Variants in ZNF84 observed in about 807,000 individuals in gnomAD.
ZNF84 encodes zinc finger protein HPF2.
A neutral mutation model predicts 14.8 loss-of-function variants in ZNF84; 12 were observed. The observed-to-expected ratio is 0.81, with a 90% CI of 0.52 to 1.31. The LOEUF is 1.31. Among genes scored for constraint, ZNF84 ranks in the 50% most tolerant of loss-of-function variants. The probability of loss-of-function intolerance (pLI) is 0.00; values close to 1 mark genes in which losing one functional copy is unlikely to be tolerated. For synonymous variants in ZNF84, 347 were observed against 291.1 expected (o/e 1.19, Z -1.96); for missense variants, 859 against 878.6 (o/e 0.98, Z 0.28).
chr12:133,040,267 A>G (rs1953862908), intron 1 of ZNF84, among the ~76,000 whole-genome samples: 3 of 152,262 alleles, frequency 2.0e-5, no homozygotes, highest in East Asian at 1.9e-4. Flanking sequence ...CGTAAATACC[A>G]AAAGAATGCT....
At position 133,056,992 on chromosome 12, in the gene ZNF84, G is replaced by A. The variant is rs1305433189; in HGVS notation, c.277G>A (p.Asp93Asn). The A allele has an allele frequency of 1.9e-6, 3 of 1,599,680 alleles. No individual in the cohort carries two copies. The highest frequency in any genetic ancestry group is 2.3e-5 in the South Asian group (2 of 87,746). The change falls in exon 5 of 5, where the codon GAT (aspartate) becomes AAT (asparagine). Residue 93 changes from aspartate to asparagine, a missense_variant. Transcript: ENST00000539354. ...KVDGNMMWHQDNQDKLKIIKR... is the reference protein window; with the variant it reads ...KVDGNMMWHQNNQDKLKIIKR... ...AGATGGTAACATGATGTGGCACCAGGATAACCAAGACAAGCTTAAAATTAT... is the reference window on the plus strand; with the variant it reads ...AGATGGTAACATGATGTGGCACCAGAATAACCAAGACAAGCTTAAAATTAT...
Position 133,057,203 on chromosome 12 carries a change from A to T in ZNF84, c.488A>T (p.Asn163Ile). 1 of 1,613,070 alleles carries T rather than the reference A, an allele frequency of 6.2e-7. No homozygotes were observed. Among genetic ancestry groups the T allele is most frequent in the South Asian group, 1.1e-5 (1 of 90,726 alleles). Residue 163 changes from asparagine (N) to isoleucine (I), a missense_variant, in exon 5 of 5, where the codon AAT becomes ATT. Physicochemically the swap from Asn to Ile is moderately radical, Grantham distance 149. Transcript: ENST00000539354. ...AESDDFNVFD[N>I]FFLHSKPEDT... ...TCAGATGACTTTAATGTGTTTGATA[A>T]TTTTTTTCTCCATTCCAAGCCTGAG... is the stretch of plus-strand genomic sequence containing the variant.
chr12:133,048,883 C>T (rs1593703900), intron 4 of ZNF84, 35 bp downstream of exon 4: 2 of 1,551,990 alleles, frequency 1.3e-6, no homozygotes, highest in Non-Finnish European at 1.8e-6. Flanking sequence ...TGGGAGAGAG[C>T]AGAAGCCCCA....
intron 2 of ZNF84, among the ~76,000 whole-genome samples, chr12:133,046,772 C>A (rs1169489319): frequency 6.7e-6 from 1 of 149,938 alleles, no homozygotes; most frequent in Non-Finnish European, 1.5e-5. Flanking sequence ...AACAGTCTTC[C>A]CATCTCAGCC....
chr12:133,048,826 A>C lies in ZNF84; in HGVS notation c.216A>C (p.Glu72Asp). 6.2e-7 allele frequency: 1 copy of C among 1,613,616 alleles called. No individual in the cohort carries two copies. The highest frequency in any genetic ancestry group is 8.5e-7 in the Non-Finnish European group (1 of 1,179,786). ...QGEEPWVGDG[E>D]IPSSDSPEVW... ...AAGAGCCGTGGGTAGGAGATGGAGAAATTCCAAGTTCAGATTCTCCAGGTG... is the reference window on the plus strand; with the variant it reads ...AAGAGCCGTGGGTAGGAGATGGAGACATTCCAAGTTCAGATTCTCCAGGTG... The change falls in exon 4 of 5, where the codon GAA (glutamate) becomes GAC (aspartate). Residue 72 changes from glutamate to aspartate, a missense_variant. By Grantham distance (45) the Glu-to-Asp change is conservative. Coordinates refer to ENST00000539354, the MANE Select transcript of ZNF84 (RefSeq NM_001289971.2).
chr12:133,048,128 C>G, intron 3 of ZNF84, 47 bp downstream of exon 3: 1 of 1,531,194 alleles, frequency 6.5e-7, no homozygotes, highest in Non-Finnish European at 8.8e-7. Flanking sequence ...CAATGCATTG[C>G]CTTTTATTTT....
intron 1 of ZNF84, chr12:133,038,093 A>G (rs1953819923): frequency 6.6e-6 from 1 of 152,008 alleles, no homozygotes. Flanking sequence ...TTATACATAT[A>G]TTCATTCACC....
chr12:133,060,367 T>C lies in ZNF84; in HGVS notation c.*1435T>C, dbSNP rs1461946599. 1.3e-5 allele frequency: 2 copies of C among 152,230 alleles called. No individual in the cohort carries two copies. The highest frequency in any genetic ancestry group is 4.8e-5 in the African/African-American group (2 of 41,464). 9.4% of individuals were successfully genotyped at this position (152,230 alleles called of 1,614,324 possible). A position where few individuals can be genotyped will look rare whatever the true frequency, so the allele number is the denominator to read the frequency against. ...TGCCTATTTTATCTTCTAGCAAATT[T>C]CTGTGGTCCCTGGAAAAGTACAGAT... On this transcript the variant is annotated 3_prime_UTR_variant, in exon 5 of 5. Coordinates refer to ENST00000539354, the MANE Select transcript of ZNF84 (RefSeq NM_001289971.2).
chr12:133,056,867 C>G (rs981002561), intron 4 of ZNF84, 87 bp from the exon 5 acceptor site: 1 of 1,177,386 alleles, frequency 8.5e-7, no homozygotes, highest in Admixed American at 2.7e-5. Flanking sequence ...AGCAGCCAAC[C>G]CCTCAACATA....
intron 4 of ZNF84, 92 bp downstream of exon 4, chr12:133,048,940 G>C (rs1954029537): frequency 2.0e-6 from 2 of 1,013,140 alleles, no homozygotes. Flanking sequence ...TGGGTGGGCT[G>C]GTCAGTGATG....
Position 133,062,510 on chromosome 12 carries a change from T to C in ZNF84, c.*3578T>C, listed in dbSNP as rs1219294361. The C allele has an allele frequency of 6.5e-6, 1 of 154,618 alleles. No homozygotes were observed. Among genetic ancestry groups the C allele is most frequent in the Non-Finnish European group, 1.4e-5 (1 of 69,538 alleles). 9.6% of individuals were successfully genotyped at this position (154,618 alleles called of 1,614,324 possible). A position where few individuals can be genotyped will look rare whatever the true frequency, so the allele number is the denominator to read the frequency against. On this transcript the variant is annotated 3_prime_UTR_variant, in exon 5 of 5. Coordinates refer to ENST00000539354, the MANE Select transcript of ZNF84 (RefSeq NM_001289971.2). ...GTCAATTTCAGAGGTCTTATTAGTCTATACAGGTACCAATGAGCTTTCAGA... is the reference window on the plus strand; with the variant it reads ...GTCAATTTCAGAGGTCTTATTAGTCCATACAGGTACCAATGAGCTTTCAGA...
rs1048268051 is a variant in ZNF84, at chr12:133,062,327, G to A, written c.*3395G>A. ...CATATATTTGTGATACTTTGGTTTC[G>A]GGAACATCACTTTTAGAATGTTGAC... On this transcript the variant is annotated 3_prime_UTR_variant, in exon 5 of 5. Transcript: ENST00000539354. The A allele has an allele frequency of 3.9e-5, 6 of 152,084 alleles. No homozygotes were observed. The South Asian group carries it at 1.0e-3, about 26-fold the overall frequency. 9.4% of individuals were successfully genotyped at this position (152,084 alleles called of 1,614,324 possible). A position where few individuals can be genotyped will look rare whatever the true frequency, so the allele number is the denominator to read the frequency against.
chr12:133,042,905 C>G lies in ZNF84; in HGVS notation c.15+1423C>G, dbSNP rs1036632388. Among the ~76,000 whole-genome samples the G allele has an allele frequency of 2.6e-5, 4 of 152,250 alleles. No individual in the cohort carries two copies. In the East Asian group the frequency reaches 7.7e-4, roughly 29 times the overall value. ...TAGAATATTCTTAGCCCAGATGAGT[C>G]CCTTCATGTGCCCTCTCCCAGTCGT... On this transcript the variant is annotated intron_variant, in intron 2 of 4. Coordinates refer to ENST00000539354, the MANE Select transcript of ZNF84 (RefSeq NM_001289971.2).
Position 133,057,612 on chromosome 12 carries a change from C to A in ZNF84, c.897C>A (p.Ala299=). The A allele has an allele frequency of 6.2e-7, 1 of 1,614,170 alleles. No homozygotes were observed. The highest frequency in any genetic ancestry group is 8.5e-7 in the Non-Finnish European group (1 of 1,180,046). ...ATGAGTGTGGTGAATGTGGGAAAGC[C>A]TTCTCCCGGAAGTCACATCTCATAT... ...KPYECGECGK[A]FSRKSHLISH... The change falls in exon 5 of 5, where the codon GCC becomes GCA. Residue 299 remains alanine (A), a synonymous_variant. Transcript: ENST00000539354.
chr12:133,044,560 G>A lies in ZNF84; in HGVS notation c.15+3078G>A, dbSNP rs778446124. On this transcript the variant is annotated intron_variant, in intron 2 of 4. Transcript: ENST00000539354. ...AATTGTGGGATCAGTTTCTTTAGCA[G>A]TTACAGGATTAATTCAGATTTTGTT... Among the ~76,000 whole-genome samples, 262 of 152,234 alleles carry A rather than the reference G, an allele frequency of 1.7e-3. 1 individual carries two copies. The highest frequency in any genetic ancestry group is 2.3e-3 in the Non-Finnish European group (155 of 68,012).
intron 4 of ZNF84, 52 bp downstream of exon 4, chr12:133,048,900 C>T: frequency 1.3e-6 from 2 of 1,483,672 alleles, no homozygotes; most frequent in East Asian, 4.7e-5. Flanking sequence ...CCCATGTCAT[C>T]TGGTCAGTGA....
chr12:133,046,620 T>C (rs1420414510), intron 2 of ZNF84, among the ~76,000 whole-genome samples: 2 of 151,248 alleles, frequency 1.3e-5, no homozygotes, highest in African/African-American at 4.9e-5. Context: ...ACAATGCGAC[T>C]TTTGAGAGTA....
Position 133,057,731 on chromosome 12 carries a change from G to T in ZNF84, c.1016G>T (p.Arg339Ile). The change falls in exon 5 of 5, where the codon AGA becomes ATA. Residue 339 changes from arginine (R) to isoleucine (I), a missense_variant. Arg to Ile is a moderately conservative substitution (Grantham distance 97). Transcript: ENST00000539354. ...AAGTCCAATCTCATTAACCATCAGA[G>T]AATTCATACCGGTGAGAAGCCTTTT... is the stretch of plus-strand genomic sequence containing the variant. The part of the protein sequence containing the change: ...SEKSNLINHQ[R>I]IHTGEKPFEC... The T allele has an allele frequency of 6.2e-7, 1 of 1,614,072 alleles. No homozygotes were observed. The highest frequency in any genetic ancestry group is 8.5e-7 in the Non-Finnish European group (1 of 1,180,010).
At chr12:133,042,460 C>A (rs1371107955) in intron 2 of ZNF84, among the ~76,000 whole-genome samples, 3 of 152,090 alleles carry the variant, frequency 2.0e-5, no homozygotes, top group African/African-American at 7.2e-5. Context: ...CATAATTGTT[C>A]TATTTTATTA....
Sources: allele counts gnomAD v4.1 joint callset (sites outside exome capture counted in the v4.1 genomes callset), GRCh38; gene constraint gnomAD v4.1.1; transcripts MANE v1.5; gene names NCBI Gene and HGNC (gene_info 2026-07-23, HGNC 2026-07-21).